ABCC11: variants seen among roughly 807,000 people sequenced by gnomAD.
ABCC11 encodes ATP-binding cassette sub-family C member 11.
A neutral mutation model predicts 149.3 loss-of-function variants in ABCC11; 135 were observed. That is an observed-to-expected ratio of 0.90 (90% CI 0.79 to 1.04). The LOEUF is 1.04. ABCC11 is among the 50% of genes least tolerant of loss of function. The probability of loss-of-function intolerance (pLI) is 0.00; values close to 1 mark genes in which losing one functional copy is unlikely to be tolerated. For missense variants in ABCC11, 1,680 were observed against 1,722.1 expected (o/e 0.98, Z 0.43); for synonymous variants, 665 against 671.4 (o/e 0.99, Z 0.15).
intron 14 of ABCC11, 76 bp downstream of exon 14, chr16:48,203,151 CT>C: frequency 7.0e-7 from 1 of 1,425,796 alleles, no homozygotes; most frequent in Non-Finnish European, 9.6e-7. Context: ...GGATTCCTCC[CT>C]TCCCTGCCTG....
At chr16:48,231,970 A>T (rs1970449073) in intron 1 of ABCC11, 31 bp from the exon 2 acceptor site, 5 of 1,612,604 alleles carry the variant, frequency 3.1e-6, no homozygotes, top group Non-Finnish European at 4.2e-6. Context: ...GAATATGAAA[A>T]GACAGCAGGA....
At chr16:48,246,582 A>AT (rs1971399598) in intron 1 of ABCC11, among the ~76,000 whole-genome samples, 1 of 152,052 alleles carries the variant, frequency 6.6e-6, no homozygotes, top group Admixed American at 6.6e-5. Flanking sequence ...TCATTTGTGT[A>AT]TTTTTTGAGA....
In ABCC11 at chr16:48,167,568, G is replaced by A. The variant is rs112476349; in HGVS notation, c.3984C>T (p.Thr1328=). 1.2e-3 allele frequency: 1,959 copies of A among 1,614,112 alleles called. 30 individuals carry two copies. In the African/African-American group the frequency reaches 0.022, roughly 18 times the overall value. The change falls in exon 29 of 30, where the codon ACC becomes ACT. Residue 1328 remains threonine (T), a synonymous_variant. Coordinates refer to ENST00000356608, the MANE Select transcript of ABCC11 (RefSeq NM_001370497.1). ...TGACACGGTGGGCAATGACGAGCAC[G>A]GTGCAGCCCTGGAAGGCTTCACGGA... ...RTIREAFQGC[T]VLVIAHRVTT...
intron 6 of ABCC11, 61 bp downstream of exon 6, chr16:48,222,537 A>G: frequency 7.0e-7 from 1 of 1,420,486 alleles, no homozygotes; most frequent in African/African-American, 1.4e-5. Flanking sequence ...CCCCCAGGGC[A>G]GTTATGTCCG....
rs199710650 is a variant in ABCC11, at chr16:48,170,921, C to T, written c.3745G>A (p.Asp1249Asn). ...GTCAGGAATGTCCTCTCCAAGGCATCCCAGATCTGCTGGTCAGTGTGACGG... is the reference window on the plus strand; with the variant it reads ...GTCAGGAATGTCCTCTCCAAGGCATTCCAGATCTGCTGGTCAGTGTGACGG... ...FDRHTDQQIW[D>N]ALERTFLTKA... Residue 1249 changes from aspartate (D) to asparagine (N), a missense_variant, in exon 27 of 30, where the codon GAT becomes AAT. Asp to Asn is a conservative substitution (Grantham distance 23). Transcript: ENST00000356608. 1.2e-6 allele frequency: 2 copies of T among 1,614,034 alleles called. No homozygotes were observed. The highest frequency in any genetic ancestry group is 1.3e-5 in the African/African-American group (1 of 75,028).
At chr16:48,226,945 C>A (rs1212075674) in intron 4 of ABCC11, among the ~76,000 whole-genome samples, 2 of 152,206 alleles carry the variant, frequency 1.3e-5, no homozygotes, top group African/African-American at 4.8e-5. Flanking sequence ...TCTCATGAAG[C>A]AGCTAGAGGT....
intron 18 of ABCC11, among the ~76,000 whole-genome samples, chr16:48,194,734 C>T (rs145657461): frequency 6.6e-6 from 1 of 152,186 alleles, no homozygotes; most frequent in Non-Finnish European, 1.5e-5. Context: ...GGATGGAGGA[C>T]ACAGCGTTCA....
At position 48,177,070 on chromosome 16, in the gene ABCC11, C is replaced by T. The variant is rs2059212622; in HGVS notation, c.3392G>A (p.Cys1131Tyr). The T allele has an allele frequency of 6.2e-7, 1 of 1,614,048 alleles. No homozygotes were observed. The highest frequency in any genetic ancestry group is 8.5e-7 in the Non-Finnish European group (1 of 1,179,982). Residue 1131 changes from cysteine to tyrosine, a missense_variant, in exon 25 of 30, where the codon TGT (cysteine) becomes TAT (tyrosine). Coordinates refer to ENST00000356608, the MANE Select transcript of ABCC11 (RefSeq NM_001370497.1). Reference sequence around the variant, plus strand: ...CCCATGCTGTGGCCACCCCTGGGGACAACTTGTGCCTTCCATGTGTAAAGG... The same window carrying T: ...CCCATGCTGTGGCCACCCCTGGGGATAACTTGTGCCTTCCATGTGTAAAGG... The part of the protein sequence containing the change: ...EAPLHMEGTS[C>Y]PQGWPQHGEI...
rs770294472 is a variant in ABCC11 at position 48,200,266 on chromosome 16, G to T, written c.2082+10C>A. On this transcript the variant is annotated intron_variant, in intron 15 of 29. Coordinates refer to ENST00000356608, the MANE Select transcript of ABCC11 (RefSeq NM_001370497.1). ...GTCAATCACAGTCAGAGCCCTGGAA[G>T]GGTGCTAACCTGCAGCTGGTGGGTC... is the stretch of plus-strand genomic sequence containing the variant. The T allele has an allele frequency of 1.9e-6, 3 of 1,612,844 alleles. No individual in the cohort carries two copies. Among genetic ancestry groups the T allele is most frequent in the East Asian group, 2.2e-5 (1 of 44,860 alleles).
Position 48,203,383 on chromosome 16 carries a change from G to C in ABCC11, c.1806-83C>G, listed in dbSNP as rs570344720. ...TCCCAGTGTCGAGAGGAATGGTCTT[G>C]ATTTTCATGCTAAGAAATTTAGACT... On this transcript the variant is annotated intron_variant, in intron 13 of 29. Transcript: ENST00000356608. 3.1e-6 allele frequency: 4 copies of C among 1,290,192 alleles called. No individual in the cohort carries two copies. In the African/African-American group the frequency reaches 5.9e-5, roughly 19 times the overall value. The allele number at this position is 1,290,192 out of a possible 1,614,324, so 79.9% of individuals were successfully genotyped here. A position where few individuals can be genotyped will look rare whatever the true frequency, so the allele number is the denominator to read the frequency against.
intron 18 of ABCC11, among the ~76,000 whole-genome samples, chr16:48,194,390 T>G (rs1596722549): frequency 6.6e-6 from 1 of 152,208 alleles, no homozygotes; most frequent in Non-Finnish European, 1.5e-5. Context: ...GTTTTATAAA[T>G]AATAATAACA....
At chr16:48,185,105 A>G (rs555930802) in intron 22 of ABCC11, among the ~76,000 whole-genome samples, 1 of 152,236 alleles carries the variant, frequency 6.6e-6, no homozygotes, top group Admixed American at 6.5e-5. Context: ...TAAAACCGAG[A>G]CACCCGGGGA....
At position 48,227,888 on chromosome 16, in the gene ABCC11, T is replaced by A; in HGVS notation, c.313A>T (p.Ile105Phe). 6.2e-7 allele frequency: 1 copy of A among 1,614,052 alleles called. No homozygotes were observed. The highest frequency in any genetic ancestry group is 8.5e-7 in the Non-Finnish European group (1 of 1,179,986). Residue 105 changes from isoleucine to phenylalanine, a missense_variant, in exon 4 of 30, where the codon ATC becomes TTC. Transcript: ENST00000356608. ...LTVSWLTPLM[I>F]QSLRSRLDEN... ...TCTAAGCGACTCCGTAAGCTTTGGA[T>A]CATGAGCGGGGTGAGCCATGACACG...
At position 48,187,346 on chromosome 16, in the gene ABCC11, G is replaced by A. The variant is rs1966809370; in HGVS notation, c.2788C>T (p.Leu930=). 1.2e-6 allele frequency: 2 copies of A among 1,614,216 alleles called. No homozygotes were observed. Among genetic ancestry groups the A allele is most frequent in the Admixed American group, 1.7e-5 (1 of 60,026 alleles). ...GAAAAGATGGGCAAGAGCTGGTCCA[G>A]CTGTTCCAAGTCCCCTGCGAAGCAG... is the stretch of plus-strand genomic sequence containing the variant. ...LNCFAGDLEQ[L]DQLLPIFSEQ... Residue 930 remains leucine, a synonymous_variant, in exon 21 of 30, where the codon CTG becomes TTG. Transcript: ENST00000356608.
intron 28 of ABCC11, among the ~76,000 whole-genome samples, chr16:48,168,877 C>T (rs1177600281): frequency 1.3e-5 from 2 of 152,058 alleles, no homozygotes; most frequent in African/African-American, 4.8e-5. Context: ...ACATCACACA[C>T]CAGGGCCTGT....
chr16:48,192,359 A>G (rs1966998434), intron 20 of ABCC11, among the ~76,000 whole-genome samples, 161 bp downstream of exon 20: 1 of 152,142 alleles, frequency 6.6e-6, no homozygotes, highest in South Asian at 2.1e-4. Flanking sequence ...CAGGAGGATC[A>G]CTTCAGCCTG....
intron 20 of ABCC11, 95 bp downstream of exon 20, chr16:48,192,425 C>T: frequency 7.3e-7 from 1 of 1,369,080 alleles, no homozygotes; most frequent in Non-Finnish European, 9.9e-7. Flanking sequence ...GCCTGGGCTA[C>T]AGAGCTCTAA....
chr16:48,230,440 G>A lies in ABCC11; in HGVS notation c.233C>T (p.Pro78Leu), dbSNP rs750296570. The change falls in exon 3 of 30, where the codon CCG (proline) becomes CTG (leucine). Residue 78 changes from proline to leucine, a missense_variant. Physicochemically the swap from Pro to Leu is moderately conservative, Grantham distance 98. Coordinates refer to ENST00000356608, the MANE Select transcript of ABCC11 (RefSeq NM_001370497.1). ...CACCACCCCCATCAGGACTCACCTC[G>A]GCTTGGGACGGAAGGGAATCATGGT... ...LRTMIPFRPK[P>L]RFPAPQPLDN... The A allele has an allele frequency of 2.5e-5, 40 of 1,604,440 alleles. No individual in the cohort carries two copies. Among genetic ancestry groups the A allele is most frequent in the African/African-American group, 1.1e-4 (8 of 74,534 alleles).
Position 48,200,285 on chromosome 16 carries a change from G to T in ABCC11, c.2073C>A (p.His691Gln). ...CTGGAAGGGTGCTAACCTGCAGCTG[G>T]TGGGTCACCAGGACGACCGTCTTCC... ...LRGKTVVLVT[H>Q]QLQYLEFCGQ... is the part of the protein sequence containing the mutation. Residue 691 changes from histidine (H) to glutamine (Q), a missense_variant, in exon 15 of 30, where the codon CAC becomes CAA. Coordinates refer to ENST00000356608, the MANE Select transcript of ABCC11 (RefSeq NM_001370497.1). 6.2e-7 allele frequency: 1 copy of T among 1,614,166 alleles called. No homozygotes were observed. Among genetic ancestry groups the T allele is most frequent in the Non-Finnish European group, 8.5e-7 (1 of 1,180,010 alleles).
Sources: gnomAD v4.1 joint callset for allele counts (sites outside exome capture counted in the v4.1 genomes callset) on GRCh38, gnomAD v4.1.1 for gene constraint, MANE v1.5 for transcripts, NCBI Gene and HGNC (gene_info 2026-07-23, HGNC 2026-07-21) for gene names.